PCNX2: variants seen among roughly 807,000 people sequenced by gnomAD.
PCNX2 encodes pecanex 2.
PCNX2 carries 168 observed loss-of-function variants against 223.8 expected under a neutral mutation model. The ratio of observed to expected loss-of-function variants is 0.75; its 90% CI spans 0.66 to 0.85. PCNX2 has a LOEUF of 0.85. Among genes scored for constraint, PCNX2 ranks in the 40% least tolerant of loss-of-function variants. The probability of loss-of-function intolerance (pLI) is 0.00; values close to 1 mark genes in which losing one functional copy is unlikely to be tolerated. For missense variants in PCNX2, 2,507 were observed against 2,675.5 expected (o/e 0.94, Z 1.39); for synonymous variants, 1,006 against 1,052.6 (o/e 0.96, Z 0.86).
chr1:233,304,435 T>A, the PCNX2 span, among the ~76,000 whole-genome samples: 2 of 152,224 alleles, frequency 1.3e-5, no homozygotes, highest in African/African-American at 4.8e-5. Flanking sequence ...AAATGCCTAA[T>A]AGGTAGAATA....
intron 23 of PCNX2, among the ~76,000 whole-genome samples, chr1:233,078,996 TTC>T (rs1673224902): frequency 6.6e-6 from 1 of 152,120 alleles, no homozygotes; most frequent in Non-Finnish European, 1.5e-5. Context: ...AGTAACAGCA[TTC>T]AGACACAAAT....
chr1:233,018,861 C>G lies in PCNX2; in HGVS notation c.4606-1707G>C, dbSNP rs1670778004. On this transcript the variant is annotated intron_variant, in intron 26 of 33. Transcript: ENST00000258229. ...TAGAAACAAACGCTTAATTGATGCT[C>G]TTCTCTGTTTATAAAAACATATTCT... 3 of 985,330 alleles carry G rather than the reference C, an allele frequency of 3.0e-6. No homozygotes were observed. In the Admixed American group the frequency reaches 1.8e-4, roughly 61 times the overall value. 61.0% of individuals were successfully genotyped at this position (985,330 alleles called of 1,614,324 possible).
chr1:233,076,421 G>A (rs1041281631), intron 23 of PCNX2, among the ~76,000 whole-genome samples: 1 of 152,172 alleles, frequency 6.6e-6, no homozygotes, highest in Admixed American at 6.5e-5. Context: ...CAGCTGTGAT[G>A]AGTTAAGTCA....
chr1:233,033,233 T>C (rs1671332068), intron 25 of PCNX2: 1 of 972,224 alleles, frequency 1.0e-6, no homozygotes. Flanking sequence ...CCAGCCAGAC[T>C]TATTTATTCC....
chr1:233,040,998 A>C (rs1351179927), intron 25 of PCNX2, among the ~76,000 whole-genome samples: 1 of 152,176 alleles, frequency 6.6e-6, no homozygotes, highest in Non-Finnish European at 1.5e-5. Flanking sequence ...TCCACGATTC[A>C]TTAGTCCTGT....
At chr1:233,053,510 A>G (rs925983863) in intron 25 of PCNX2, among the ~76,000 whole-genome samples, 18 of 152,166 alleles carry the variant, frequency 1.2e-4, no homozygotes, top group Middle Eastern at 3.2e-3. Context: ...GGTGTCTCTC[A>G]CTGGGGGTAA....
At chr1:233,267,372 T>C (rs75036253) in intron 1 of PCNX2, among the ~76,000 whole-genome samples, 13,536 of 152,170 alleles carry the variant, frequency 0.089, 722 homozygotes, top group South Asian at 0.17. Context: ...AAAATATATA[T>C]AATACAAAAT....
At chr1:233,177,752 C>A (rs765467269) in intron 17 of PCNX2, 50 bp downstream of exon 17, 2 of 1,481,454 alleles carry the variant, frequency 1.4e-6, no homozygotes, top group Non-Finnish European at 1.9e-6. Context: ...CTGATCTCTG[C>A]TGAAAGATGA....
Position 233,252,747 on chromosome 1 carries a change from CATT to C in PCNX2, c.1873_1875del (p.Asn625del). 6.2e-7 allele frequency: 1 copy of C among 1,612,946 alleles called. No individual in the cohort carries two copies. The highest frequency in any genetic ancestry group is 8.5e-7 in the Non-Finnish European group (1 of 1,179,662). On this transcript the variant is annotated inframe_deletion, in exon 6 of 34. Coordinates refer to ENST00000258229, the MANE Select transcript of PCNX2 (RefSeq NM_014801.4). ...TTAGAACTGTGTCCACTGGGCTTTT[CATT>C]TTCCAGGATTTCCTCCTTTTTTTCC... is the stretch of plus-strand genomic sequence containing the variant.
chr1:233,109,169 C>G lies in PCNX2; in HGVS notation c.3838-13306G>C, dbSNP rs551798313. Among the ~76,000 whole-genome samples, 6 of 152,318 alleles carry G rather than the reference C, an allele frequency of 3.9e-5. No homozygotes were observed. The East Asian group carries it at 9.6e-4, about 24-fold the overall frequency. On this transcript the variant is annotated intron_variant, in intron 21 of 33. Coordinates refer to ENST00000258229, the MANE Select transcript of PCNX2 (RefSeq NM_014801.4). ...ACTAGGTTCATTCAACTCCTCCCCCCATATCAGAAGTCTAGCAAAGGAAAT... is the reference window on the plus strand; with the variant it reads ...ACTAGGTTCATTCAACTCCTCCCCCGATATCAGAAGTCTAGCAAAGGAAAT...
At chr1:233,089,889 G>A (rs536938910) in intron 23 of PCNX2, 172 bp downstream of exon 23, 37 of 1,394,894 alleles carry the variant, frequency 2.7e-5, no homozygotes, top group East Asian at 8.0e-5. Flanking sequence ...AGATCCCTGA[G>A]ACCCAAGAGC....
In PCNX2 at chr1:232,991,719, G is replaced by A. The variant is rs970462170; in HGVS notation, c.5792-5179C>T. The stretch of plus-strand genomic sequence containing the variant: ...GAGCTCAGTGGTGCTTCTCGAGGCC[G>A]GGGGATGCCTAAGATGGCCGGTGAA... On this transcript the variant is annotated intron_variant, in intron 32 of 33. Transcript: ENST00000258229. The surrounding 1 kb of genome is among the most constrained non-coding windows in gnomAD (Gnocchi z 4.3). 2.6e-5 allele frequency among the ~76,000 whole-genome samples: 4 copies of A among 152,052 alleles called. No individual in the cohort carries two copies. Among genetic ancestry groups the A allele is most frequent in the Admixed American group, 1.3e-4 (2 of 15,284 alleles).
chr1:233,004,027 T>C (rs1031004164), intron 28 of PCNX2, among the ~76,000 whole-genome samples: 1 of 151,944 alleles, frequency 6.6e-6, no homozygotes, highest in Non-Finnish European at 1.5e-5. Flanking sequence ...AGAGGAGGGA[T>C]AGCATTAGGA....
intron 14 of PCNX2, among the ~76,000 whole-genome samples, chr1:233,199,719 C>T (rs893515886): frequency 1.3e-5 from 2 of 152,008 alleles, no homozygotes; most frequent in Admixed American, 6.6e-5. Flanking sequence ...GGTACACACA[C>T]AATACACAGC....
At chr1:233,241,185 A>G in intron 8 of PCNX2, 1 of 985,436 alleles carries the variant, frequency 1.0e-6, no homozygotes, top group Non-Finnish European at 1.2e-6. Flanking sequence ...TTTATGTGAC[A>G]GTAAAATTTG....
chr1:233,260,921 A>T (rs1660008231), intron 4 of PCNX2, among the ~76,000 whole-genome samples: 1 of 152,204 alleles, frequency 6.6e-6, no homozygotes, highest in Admixed American at 6.5e-5. Flanking sequence ...AATGCTGTAC[A>T]ATTTATCCTG....
chr1:233,212,633 G>GT lies in PCNX2; in HGVS notation c.2692-3945dup, dbSNP rs147278675. On this transcript the variant is annotated intron_variant, in intron 12 of 33. Transcript: ENST00000258229. Reference sequence around the variant, plus strand: ...TCCACTCCGCTATCTCCTAGTTCACGTATTTTCCTACTGTCTCAGCACTGC... The same window carrying GT: ...TCCACTCCGCTATCTCCTAGTTCACGTTATTTTCCTACTGTCTCAGCACTGC... Among the ~76,000 whole-genome samples, 610 of 152,280 alleles carry GT rather than the reference G, an allele frequency of 4.0e-3. 13 individuals are homozygous for GT. In the East Asian group the frequency reaches 0.052, roughly 13 times the overall value.
At chr1:233,246,924 C>T (rs1233664538) in intron 8 of PCNX2, among the ~76,000 whole-genome samples, 2 of 152,206 alleles carry the variant, frequency 1.3e-5, no homozygotes, top group Admixed American at 6.5e-5. Flanking sequence ...AGATAGCCAA[C>T]CCAAAGATTC....
chr1:233,263,452 A>ATTTTTT (rs67108893), intron 1 of PCNX2, among the ~76,000 whole-genome samples: 2 of 126,796 alleles, frequency 1.6e-5, no homozygotes, highest in Admixed American at 8.1e-5. Context: ...AAACCTCTCC[A>ATTTTTT]TTTTTTTTTT....
Sources: gnomAD v4.1 joint callset for allele counts (sites outside exome capture counted in the v4.1 genomes callset) on GRCh38, gnomAD v4.1.1 for gene constraint, Gnocchi (gnomAD v3.1) non-coding constraint, MANE v1.5 for transcripts, NCBI Gene and HGNC (gene_info 2026-07-23, HGNC 2026-07-21) for gene names.